CD8B: variants seen among roughly 807,000 people sequenced by gnomAD.
CD8B encodes T-cell surface glycoprotein CD8 beta chain.
Under a neutral mutation model 24.2 loss-of-function variants are expected in CD8B, and 6 were observed. That is an observed-to-expected ratio of 0.25 (90% CI 0.14 to 0.49). The LOEUF (loss-of-function observed/expected upper bound fraction) is 0.49, where lower values mean the gene tolerates loss of function less well. CD8B is among the 20% of genes least tolerant of loss of function. The probability of loss-of-function intolerance (pLI) is 0.98; values close to 1 mark genes in which losing one functional copy is unlikely to be tolerated. For missense variants in CD8B, 196 were observed against 271.3 expected (o/e 0.72, Z 1.95); for synonymous variants, 84 against 108.3 (o/e 0.78, Z 1.39).
At chr2:86,836,081 C>T (rs999777684), downstream of CD8B, among the ~76,000 whole-genome samples, 11 of 150,198 alleles carry the variant, frequency 7.3e-5, no homozygotes, top group Non-Finnish European at 1.5e-4. Context: ...GTAAACATCC[C>T]GAGTGGTCCT....
In CD8B at chr2:86,815,667, TC is replaced by T; in HGVS notation, c.671del (p.Gly224AspfsTer18). ...GTGAGGTTGTAGTATTGCTGTAGTA[TC>T]CATGCAGGCATTGGGGGACAAAGGT... On this transcript the variant is annotated frameshift_variant, in exon 6 of 6. Transcript: ENST00000331469. LOFTEE classifies it low-confidence loss of function (END_TRUNC). The T allele has an allele frequency of 1.9e-6, 3 of 1,613,742 alleles. No individual in the cohort carries two copies. The highest frequency in any genetic ancestry group is 2.5e-6 in the Non-Finnish European group (3 of 1,179,644).
At chr2:86,848,708 AT>A in intron 3 of CD8B, among the ~76,000 whole-genome samples, 9 of 78,878 alleles carry the variant, frequency 1.1e-4, no homozygotes, top group African/African-American at 6.3e-4. Flanking sequence ...TAAATTATTT[AT>A]TTATTTATTT....
intron 5 of CD8B, among the ~76,000 whole-genome samples, chr2:86,823,276 T>A (rs7587224): frequency 0.8 from 120,926 of 151,660 alleles, 48,671 homozygotes; most frequent in East Asian, 0.98. Flanking sequence ...TTAAAAAAAA[T>A]TTTTAATTAA....
intron 5 of CD8B, among the ~76,000 whole-genome samples, chr2:86,816,590 T>G (rs1479210526): frequency 6.6e-6 from 1 of 152,132 alleles, no homozygotes; most frequent in Non-Finnish European, 1.5e-5. Flanking sequence ...AATACAGATG[T>G]GAACATGTTG....
intron 3 of CD8B, among the ~76,000 whole-genome samples, chr2:86,848,715 T>TATTTATTTA (rs1675816494): frequency 2.0e-5 from 2 of 98,280 alleles, no homozygotes; most frequent in Admixed American, 2.2e-4. Flanking sequence ...TTTATTTATT[T>TATTTATTTA]ATTTATTTAT....
chr2:86,828,354 A>G (rs1470634733), intron 5 of CD8B, among the ~76,000 whole-genome samples: 1 of 152,034 alleles, frequency 6.6e-6, no homozygotes, highest in Non-Finnish European at 1.5e-5. Flanking sequence ...CTGGACCCAC[A>G]GAGAAGTTTT....
At chr2:86,828,523 G>A (rs1228612144) in intron 5 of CD8B, among the ~76,000 whole-genome samples, 1 of 152,054 alleles carries the variant, frequency 6.6e-6, no homozygotes, top group African/African-American at 2.4e-5. Context: ...AAGTTAAGGG[G>A]CCCTTTGAGT....
chr2:86,831,045 G>T (rs370649123), intron 5 of CD8B, among the ~76,000 whole-genome samples: 1 of 151,850 alleles, frequency 6.6e-6, no homozygotes, highest in Non-Finnish European at 1.5e-5. Flanking sequence ...CAATTGTCTC[G>T]GCACTCTTTA....
At chr2:86,846,288 T>G (rs570920228) in intron 4 of CD8B, among the ~76,000 whole-genome samples, 1 of 152,182 alleles carries the variant, frequency 6.6e-6, no homozygotes, top group Non-Finnish European at 1.5e-5. Flanking sequence ...TTCTGGACAC[T>G]GGGCTTTGGT....
At chr2:86,852,756 G>A (rs1287857666) in intron 3 of CD8B, among the ~76,000 whole-genome samples, 1 of 152,216 alleles carries the variant, frequency 6.6e-6, no homozygotes, top group Non-Finnish European at 1.5e-5. Context: ...ACATTTGTGT[G>A]CAGGGGTGTG....
intron 5 of CD8B, among the ~76,000 whole-genome samples, chr2:86,832,294 C>T (rs1323107370): frequency 6.6e-6 from 1 of 151,992 alleles, no homozygotes; most frequent in Non-Finnish European, 1.5e-5. Context: ...GCCTGGCCAA[C>T]ATGGTGAAAC....
downstream of CD8B, among the ~76,000 whole-genome samples, chr2:86,835,024 G>A (rs1558753251): frequency 2.6e-5 from 4 of 151,410 alleles, no homozygotes; most frequent in South Asian, 6.3e-4. Flanking sequence ...ACGCACAGGC[G>A]CACTCTGAAA....
chr2:86,834,850 C>T (rs185783040), downstream of CD8B, among the ~76,000 whole-genome samples: 478 of 149,832 alleles, frequency 3.2e-3, 5 homozygotes, highest in African/African-American at 0.011. Context: ...GCAGGAGAAT[C>T]GCTTGAACCC....
At chr2:86,856,538 G>C (rs987855562) in intron 2 of CD8B, among the ~76,000 whole-genome samples, 1 of 152,058 alleles carries the variant, frequency 6.6e-6, no homozygotes, top group Admixed American at 6.6e-5. Context: ...TAATTGTGCT[G>C]CTGTCCCCAG....
At chr2:86,826,067 C>T (rs936440106) in intron 5 of CD8B, among the ~76,000 whole-genome samples, 2 of 152,012 alleles carry the variant, frequency 1.3e-5, no homozygotes, top group African/African-American at 2.4e-5. Flanking sequence ...TGTTTGCAGG[C>T]GGTTTTTTAG....
At chr2:86,837,640 G>A (rs1286185803), downstream of CD8B, among the ~76,000 whole-genome samples, 1 of 138,622 alleles carries the variant, frequency 7.2e-6, no homozygotes, top group Admixed American at 7.8e-5. Context: ...CTGAAAACAA[G>A]TTGCCCACTT....
chr2:86,855,460 GTC>G (rs1299653088), intron 2 of CD8B, among the ~76,000 whole-genome samples: 1 of 152,202 alleles, frequency 6.6e-6, no homozygotes, highest in African/African-American at 2.4e-5. Flanking sequence ...GAAATAATGT[GTC>G]CAAAGTTAGA....
At chr2:86,823,193 G>A in intron 5 of CD8B, among the ~76,000 whole-genome samples, 1 of 152,098 alleles carries the variant, frequency 6.6e-6, no homozygotes, top group East Asian at 1.9e-4. Flanking sequence ...CGAATTCAGA[G>A]ACACCACTCT....
chr2:86,825,360 A>G (rs1013312804), intron 5 of CD8B, among the ~76,000 whole-genome samples: 1 of 152,158 alleles, frequency 6.6e-6, no homozygotes, highest in Admixed American at 6.5e-5. Context: ...ACCGTCCTCC[A>G]GGATCCCCCA....
Sources: allele counts gnomAD v4.1 joint callset (sites outside exome capture counted in the v4.1 genomes callset), GRCh38; gene constraint gnomAD v4.1.1; transcripts MANE v1.5; gene names NCBI Gene and HGNC (gene_info 2026-07-23, HGNC 2026-07-21).